PRKG1: variants seen among roughly 807,000 people sequenced by gnomAD.
The protein encoded by PRKG1 is protein kinase cGMP-dependent 1.
Under a neutral mutation model 88.1 loss-of-function variants are expected in PRKG1, and 35 were observed. That is an observed-to-expected ratio of 0.40 (90% CI 0.30 to 0.53). The LOEUF (loss-of-function observed/expected upper bound fraction) is 0.53. PRKG1 is among the 20% of genes least tolerant of loss of function. PRKG1 has a pLI of 0.59. For synonymous variants in PRKG1, 303 were observed against 292.5 expected (o/e 1.04, Z -0.37); for missense variants, 540 against 839.8 (o/e 0.64, Z 4.41).
intron 9 of PRKG1, among the ~76,000 whole-genome samples, chr10:52,190,159 T>C (rs1009276431): frequency 6.6e-6 from 1 of 152,206 alleles, no homozygotes; most frequent in African/African-American, 2.4e-5. Context: ...CAGGAGCCCA[T>C]AAATTTTTAA....
intron 1 of PRKG1, among the ~76,000 whole-genome samples, chr10:50,999,390 G>A (rs1055046090): frequency 6.6e-6 from 1 of 152,180 alleles, no homozygotes; most frequent in African/African-American, 2.4e-5. Flanking sequence ...TAATCAGCTT[G>A]TTAGGATTTA....
chr10:51,721,556 A>G, intron 3 of PRKG1, among the ~76,000 whole-genome samples: 1 of 152,162 alleles, frequency 6.6e-6, no homozygotes, highest in Non-Finnish European at 1.5e-5. Flanking sequence ...CCGAACAGCT[A>G]TCCTTGGATC....
intron 1 of PRKG1, among the ~76,000 whole-genome samples, chr10:51,007,635 A>G (rs1388613277): frequency 6.6e-6 from 1 of 152,182 alleles, no homozygotes; most frequent in Non-Finnish European, 1.5e-5. Flanking sequence ...AACATCTTTG[A>G]CCTTCAATTT....
At chr10:51,840,107 G>A (rs1447553129) in intron 4 of PRKG1, among the ~76,000 whole-genome samples, 2 of 152,140 alleles carry the variant, frequency 1.3e-5, no homozygotes, top group Non-Finnish European at 2.9e-5. Context: ...GGAGCACTTT[G>A]AGACTTTTCT....
At chr10:51,363,729 C>T (rs962448200) in intron 2 of PRKG1, among the ~76,000 whole-genome samples, 1 of 151,950 alleles carries the variant, frequency 6.6e-6, no homozygotes, top group Admixed American at 6.6e-5. Context: ...CCACCCTGCA[C>T]TACTTTAAGA....
At chr10:51,893,027 A>G (rs886700965) in intron 4 of PRKG1, among the ~76,000 whole-genome samples, 1 of 152,196 alleles carries the variant, frequency 6.6e-6, no homozygotes, top group Non-Finnish European at 1.5e-5. Flanking sequence ...TGTAAAACTT[A>G]CAGAGCAAAG....
chr10:51,830,912 G>A (rs1839991057), intron 4 of PRKG1, among the ~76,000 whole-genome samples: 2 of 151,868 alleles, frequency 1.3e-5, no homozygotes, highest in South Asian at 4.2e-4. Flanking sequence ...GTTTTCAACT[G>A]TGAGATCATA....
At chr10:51,899,636 C>T (rs565113674) in intron 4 of PRKG1, among the ~76,000 whole-genome samples, 3 of 133,726 alleles carry the variant, frequency 2.2e-5, no homozygotes, top group South Asian at 4.7e-4. Context: ...CCAGCTTGGG[C>T]GACAGCGTGA....
At chr10:51,436,185 T>C (rs1838924505) in intron 2 of PRKG1, among the ~76,000 whole-genome samples, 1 of 151,864 alleles carries the variant, frequency 6.6e-6, no homozygotes. Flanking sequence ...GTTTTTTTTT[T>C]TTTTTAGCAT....
intron 2 of PRKG1, among the ~76,000 whole-genome samples, chr10:51,393,107 CGGTTGCCGGGCGG>C (rs1837476833): frequency 7.3e-6 from 1 of 137,558 alleles, no homozygotes; most frequent in Admixed American, 7.1e-5. Context: ...TCAGACGGGG[CGGTTGCCGGGCGG>C]AGGGTCTCCT....
chr10:51,787,629 T>A (rs1291544320), intron 3 of PRKG1, among the ~76,000 whole-genome samples: 2 of 152,198 alleles, frequency 1.3e-5, no homozygotes, highest in Non-Finnish European at 2.9e-5. Flanking sequence ...TTAGTAAGTA[T>A]ACATTCTCAA....
chr10:51,370,455 TAAGA>T (rs1842678563), intron 2 of PRKG1, among the ~76,000 whole-genome samples: 1 of 150,548 alleles, frequency 6.6e-6, no homozygotes, highest in South Asian at 2.1e-4. Context: ...AATATGGGGT[TAAGA>T]AAGAGAGAGA....
Position 51,750,315 on chromosome 10 carries a change from A to G in PRKG1, c.593-54270A>G, listed in dbSNP as rs373818167. Among the ~76,000 whole-genome samples, 13 of 152,240 alleles carry G rather than the reference A, an allele frequency of 8.5e-5. No homozygotes were observed. The East Asian group carries it at 2.5e-3, about 29-fold the overall frequency. ...CGCAACTGACTTGCACCCCAATAAT[A>G]TATTTATCAATTTGAGTATTTTTTG... On this transcript the variant is annotated intron_variant, in intron 3 of 17. Transcript: ENST00000373980.
intron 7 of PRKG1, among the ~76,000 whole-genome samples, chr10:52,122,394 A>T (rs921711182): frequency 6.6e-6 from 1 of 152,228 alleles, no homozygotes; most frequent in African/African-American, 2.4e-5. Flanking sequence ...GGATACGTTC[A>T]AACCATAACA....
intron 2 of PRKG1, among the ~76,000 whole-genome samples, chr10:51,225,876 A>G (rs1348972568): frequency 6.6e-6 from 1 of 152,200 alleles, no homozygotes; most frequent in Non-Finnish European, 1.5e-5. Context: ...GTCTGGGAAT[A>G]ATGTAGATCC....
intron 9 of PRKG1, among the ~76,000 whole-genome samples, chr10:52,217,493 A>G (rs895890045): frequency 4.6e-5 from 7 of 152,136 alleles, no homozygotes; most frequent in African/African-American, 1.4e-4. Flanking sequence ...AGTACACCCT[A>G]CCGTCAAACA....
At position 51,830,067 on chromosome 10, in the gene PRKG1, A is replaced by T. The variant is rs1435540735; in HGVS notation, c.698+25377A>T. Among the ~76,000 whole-genome samples, 21 of 152,284 alleles carry T rather than the reference A, an allele frequency of 1.4e-4. No homozygotes were observed. The South Asian group carries it at 3.9e-3, about 29-fold the overall frequency. On this transcript the variant is annotated intron_variant, in intron 4 of 17. Coordinates refer to ENST00000373980, the MANE Select transcript of PRKG1 (RefSeq NM_006258.4). ...ATATTTACATGGTGACCACTTCGGG[A>T]AAGGGTGAAAAGATTTCCTGGGAGA...
chr10:51,344,993 T>C (rs1842081648), intron 2 of PRKG1, among the ~76,000 whole-genome samples: 1 of 152,180 alleles, frequency 6.6e-6, no homozygotes, highest in Non-Finnish European at 1.5e-5. Flanking sequence ...TTTATTTTAA[T>C]AGTTTGTTAC....
intron 1 of PRKG1, among the ~76,000 whole-genome samples, chr10:51,024,496 G>A (rs1481543418): frequency 6.6e-6 from 1 of 152,098 alleles, no homozygotes; most frequent in Non-Finnish European, 1.5e-5. Context: ...CTATGGCATA[G>A]ATACTTTTTA....
Sources: allele counts gnomAD v4.1 joint callset (sites outside exome capture counted in the v4.1 genomes callset), GRCh38; gene constraint gnomAD v4.1.1; transcripts MANE v1.5; gene names NCBI Gene and HGNC (gene_info 2026-07-23, HGNC 2026-07-21).